Variants in CHLSN observed in about 807,000 individuals in gnomAD.
CHLSN encodes protein cholesin.
At chr7:1,036,549 A>T in the CHLSN span, among the ~76,000 whole-genome samples, 2 of 151,748 alleles carry the variant, frequency 1.3e-5, no homozygotes, top group Non-Finnish European at 2.9e-5. Context: ...TTGTAAATGC[A>T]CTATTCAGGG....
the CHLSN span, chr7:1,028,409 G>T: frequency 1.0e-6 from 1 of 986,790 alleles, no homozygotes; most frequent in Non-Finnish European, 1.2e-6. Flanking sequence ...ACCAGATCCA[G>T]CCGGCTGGAC....
chr7:1,076,555 C>T, the CHLSN span, among the ~76,000 whole-genome samples: 2 of 152,254 alleles, frequency 1.3e-5, no homozygotes, highest in East Asian at 3.8e-4. Context: ...TCCCCTAACA[C>T]AGGCAAGCGT....
At chr7:1,130,930 G>C in the CHLSN span, among the ~76,000 whole-genome samples, 5 of 152,210 alleles carry the variant, frequency 3.3e-5, no homozygotes, top group African/African-American at 1.2e-4. Context: ...GCTCACGCCT[G>C]TCATCCCAGC....
At chr7:1,013,063 G>A in the CHLSN span, among the ~76,000 whole-genome samples, 1 of 152,160 alleles carries the variant, frequency 6.6e-6, no homozygotes, top group African/African-American at 2.4e-5. Flanking sequence ...CAGCGCGGGA[G>A]GGTGGTGGGG....
At chr7:1,004,229 C>T in the CHLSN span, among the ~76,000 whole-genome samples, 7 of 152,142 alleles carry the variant, frequency 4.6e-5, no homozygotes, top group Non-Finnish European at 1.0e-4. Context: ...TGCACCCGGG[C>T]CAGCCAGGCC....
the CHLSN span, among the ~76,000 whole-genome samples, chr7:1,084,836 C>T: frequency 1.3e-5 from 2 of 152,218 alleles, no homozygotes; most frequent in Admixed American, 6.5e-5. Flanking sequence ...GTTTGGACGG[C>T]GACATGCAAC....
chr7:1,036,138 GC>G, the CHLSN span, among the ~76,000 whole-genome samples: 3 of 152,188 alleles, frequency 2.0e-5, no homozygotes, highest in Admixed American at 2.0e-4. Flanking sequence ...GGTGCACAGG[GC>G]CCTTTTGGGG....
the CHLSN span, among the ~76,000 whole-genome samples, chr7:986,087 G>A: frequency 6.6e-6 from 1 of 152,188 alleles, no homozygotes; most frequent in Non-Finnish European, 1.5e-5. Context: ...AGCATTCCCT[G>A]GCCTTCCCTG....
chr7:1,068,166 C>T, the CHLSN span, among the ~76,000 whole-genome samples: 5 of 152,190 alleles, frequency 3.3e-5, no homozygotes, highest in African/African-American at 1.2e-4. Context: ...GATGCTTTGT[C>T]CTCAGGTCTC....
chr7:1,130,258 G>C, the CHLSN span, among the ~76,000 whole-genome samples: 3 of 152,248 alleles, frequency 2.0e-5, no homozygotes, highest in East Asian at 5.8e-4. Context: ...TGTGTGATGA[G>C]GGAGCCGAAA....
chr7:1,120,252 C>T, the CHLSN span, among the ~76,000 whole-genome samples: 8 of 152,162 alleles, frequency 5.3e-5, no homozygotes, highest in African/African-American at 1.9e-4. Context: ...CACCACGTGT[C>T]GACCAGTGTG....
At chr7:1,069,991 C>T in the CHLSN span, among the ~76,000 whole-genome samples, 2 of 114,118 alleles carry the variant, frequency 1.8e-5, no homozygotes, top group Admixed American at 1.7e-4. Context: ...GGGAGCGCCT[C>T]TGCCCCGCCG....
chr7:990,668 G>A, the CHLSN span, among the ~76,000 whole-genome samples: 7 of 152,250 alleles, frequency 4.6e-5, no homozygotes, highest in Admixed American at 1.3e-4. Context: ...GGGACGGAGG[G>A]ATGGAGGCTC....
chr7:1,005,035 C>T, the CHLSN span, among the ~76,000 whole-genome samples: 1 of 152,220 alleles, frequency 6.6e-6, no homozygotes, highest in Non-Finnish European at 1.5e-5. Flanking sequence ...TGGCTCATGC[C>T]TGTAAGCTGA....
At chr7:1,131,392 A>G in the CHLSN span, among the ~76,000 whole-genome samples, 1 of 152,100 alleles carries the variant, frequency 6.6e-6, no homozygotes, top group Middle Eastern at 3.2e-3. Flanking sequence ...GCCAGAAACC[A>G]AGGAGACAGT....
the CHLSN span, chr7:986,969 G>T: frequency 2.2e-6 from 3 of 1,340,746 alleles, no homozygotes; most frequent in East Asian, 2.6e-5. Flanking sequence ...CATCCATAGT[G>T]CCTGCCTCGG....
chr7:1,068,553 C>T, the CHLSN span, among the ~76,000 whole-genome samples: 1 of 152,184 alleles, frequency 6.6e-6, no homozygotes, highest in Admixed American at 6.5e-5. Flanking sequence ...TTCCAAGACA[C>T]AGTGTCTTGC....
At chr7:1,070,786 G>C in the CHLSN span, among the ~76,000 whole-genome samples, 2 of 132,618 alleles carry the variant, frequency 1.5e-5, no homozygotes, top group Admixed American at 7.5e-5. Flanking sequence ...CACGCACACG[G>C]ACACGCACGT....
the CHLSN span, among the ~76,000 whole-genome samples, chr7:979,024 C>T: frequency 6.6e-6 from 1 of 152,212 alleles, no homozygotes; most frequent in Non-Finnish European, 1.5e-5. Flanking sequence ...TGCTGGGCTT[C>T]CCCACAGCAT....
Sources: gnomAD v4.1 joint callset for allele counts (sites outside exome capture counted in the v4.1 genomes callset) on GRCh38, gnomAD v4.1.1 for gene constraint, MANE v1.5 for transcripts, NCBI Gene and HGNC (gene_info 2026-07-23, HGNC 2026-07-21) for gene names.